TRPC4: variants seen among roughly 807,000 people sequenced by gnomAD.
TRPC4 encodes short transient receptor potential channel 4.
TRPC4 carries 49 observed loss-of-function variants against 99.4 expected under a neutral mutation model. The ratio of observed to expected loss-of-function variants is 0.49; its 90% CI spans 0.39 to 0.63. TRPC4 has a LOEUF of 0.63. TRPC4 is among the 20% of genes least tolerant of loss of function. The probability of loss-of-function intolerance (pLI) is 0.00; values close to 1 mark genes in which losing one functional copy is unlikely to be tolerated. For synonymous variants in TRPC4, 454 were observed against 425.9 expected (o/e 1.07, Z -0.81); for missense variants, 898 against 1,152.9 (o/e 0.78, Z 3.20).
chr13:37,636,123 T>C lies in TRPC4; in HGVS notation c.*780A>G, dbSNP rs1951510588. On this transcript the variant is annotated 3_prime_UTR_variant, in exon 11 of 11. Transcript: ENST00000379705. ...TTATAACAGAAATCTTGCCATATTTTTGAAATTCAGTTATTCATAAAGACT... is the reference window on the plus strand; with the variant it reads ...TTATAACAGAAATCTTGCCATATTTCTGAAATTCAGTTATTCATAAAGACT... 6.6e-6 allele frequency among the ~76,000 whole-genome samples: 1 copy of C among 152,076 alleles called. No homozygotes were observed. Among genetic ancestry groups the C allele is most frequent in the South Asian group, 2.1e-4 (1 of 4,834 alleles).
chr13:37,753,372 T>A (rs747909283), intron 2 of TRPC4, among the ~76,000 whole-genome samples: 4 of 152,068 alleles, frequency 2.6e-5, no homozygotes, highest in Non-Finnish European at 5.9e-5. Context: ...GCCAGGAGAA[T>A]AATGGAATAA....
At chr13:37,639,857 A>C (rs1951660739) in intron 8 of TRPC4, among the ~76,000 whole-genome samples, 1 of 151,812 alleles carries the variant, frequency 6.6e-6, no homozygotes, top group Non-Finnish European at 1.5e-5. Context: ...GAAACACAGC[A>C]TTTATTAACT....
intron 1 of TRPC4, among the ~76,000 whole-genome samples, chr13:37,856,878 A>G (rs1240312477): frequency 6.6e-6 from 1 of 151,762 alleles, no homozygotes; most frequent in East Asian, 1.9e-4. Flanking sequence ...AAAACTGCAT[A>G]TAGAAACAAT....
intron 2 of TRPC4, among the ~76,000 whole-genome samples, chr13:37,776,905 A>G (rs1423361059): frequency 6.6e-6 from 1 of 151,972 alleles, no homozygotes; most frequent in African/African-American, 2.4e-5. Context: ...ACTGGAATCC[A>G]TATCGACTAA....
At chr13:37,671,080 G>T (rs949755270) in intron 5 of TRPC4, among the ~76,000 whole-genome samples, 5 of 152,122 alleles carry the variant, frequency 3.3e-5, no homozygotes, top group Non-Finnish European at 5.9e-5. Context: ...CTCTTGGGCA[G>T]ATTTGCATTT....
At chr13:37,652,158 T>C (rs1241780983) in intron 7 of TRPC4, among the ~76,000 whole-genome samples, 1 of 152,242 alleles carries the variant, frequency 6.6e-6, no homozygotes, top group Admixed American at 6.5e-5. Flanking sequence ...CTTTGGTACA[T>C]TTGTGGCAAT....
At chr13:37,848,320 A>G (rs1249835595) in intron 1 of TRPC4, among the ~76,000 whole-genome samples, 1 of 152,204 alleles carries the variant, frequency 6.6e-6, no homozygotes, top group Non-Finnish European at 1.5e-5. Context: ...TATCAATAGT[A>G]AAAATGTACA....
intron 1 of TRPC4, among the ~76,000 whole-genome samples, chr13:37,785,938 A>C (rs1266400629): frequency 6.6e-6 from 1 of 152,080 alleles, no homozygotes. Context: ...AGTTCATTTT[A>C]AAAAGAGTTA....
At chr13:37,657,632 G>A (rs1252169772) in intron 6 of TRPC4, among the ~76,000 whole-genome samples, 1 of 152,104 alleles carries the variant, frequency 6.6e-6, no homozygotes, top group Non-Finnish European at 1.5e-5. Context: ...AATATATAGT[G>A]TAAAATGTTA....
intron 1 of TRPC4, among the ~76,000 whole-genome samples, chr13:37,795,932 A>G (rs1381972621): frequency 2.0e-5 from 3 of 152,156 alleles, no homozygotes; most frequent in Non-Finnish European, 2.9e-5. Flanking sequence ...ACGGTCATAC[A>G]GCTACTAAAT....
chr13:37,663,284 G>T, intron 6 of TRPC4, 132 bp downstream of exon 6: 1 of 767,620 alleles, frequency 1.3e-6, no homozygotes. Flanking sequence ...TGTTAATTCT[G>T]TTTTCTGCAT....
chr13:37,840,476 C>T (rs142969594), intron 1 of TRPC4, among the ~76,000 whole-genome samples: 137 of 152,084 alleles, frequency 9.0e-4, no homozygotes, highest in African/African-American at 3.1e-3. Flanking sequence ...ATCATGAAGA[C>T]TTCATTCACT....
intron 1 of TRPC4, among the ~76,000 whole-genome samples, chr13:37,824,756 G>A (rs569057807): frequency 1.3e-5 from 2 of 152,254 alleles, no homozygotes; most frequent in African/African-American, 4.8e-5. Flanking sequence ...GTCTCTGCCA[G>A]GCTTTGGTAT....
At chr13:37,789,086 A>T (rs1957045906) in intron 1 of TRPC4, among the ~76,000 whole-genome samples, 1 of 152,050 alleles carries the variant, frequency 6.6e-6, no homozygotes, top group South Asian at 2.1e-4. Context: ...CTAAGACGCA[A>T]ATCTCATCAA....
chr13:37,720,558 T>C (rs1348569939), intron 3 of TRPC4, among the ~76,000 whole-genome samples: 1 of 152,186 alleles, frequency 6.6e-6, no homozygotes, highest in Non-Finnish European at 1.5e-5. Context: ...TGGATTTAAA[T>C]AGTCATTTTA....
intron 3 of TRPC4, among the ~76,000 whole-genome samples, chr13:37,741,243 T>G (rs1307596984): frequency 6.6e-6 from 1 of 152,150 alleles, no homozygotes; most frequent in Non-Finnish European, 1.5e-5. Flanking sequence ...AGCTTCCAAT[T>G]CACATTTAGT....
chr13:37,699,885 A>G (rs1338801154), intron 3 of TRPC4, among the ~76,000 whole-genome samples: 1 of 152,198 alleles, frequency 6.6e-6, no homozygotes, highest in African/African-American at 2.4e-5. Context: ...TGGTTTGGCA[A>G]CTGATCTGAG....
In TRPC4 at chr13:37,771,833, T is replaced by C. The variant is rs143701235; in HGVS notation, c.378+11123A>G. The stretch of plus-strand genomic sequence containing the variant: ...AAGAGGTGAGAGCTCCTTATATAGA[T>C]AACAGAGTATGAAAGTTGAAATTTT... On this transcript the variant is annotated intron_variant, in intron 2 of 10. Transcript: ENST00000379705. Among the ~76,000 whole-genome samples the C allele has an allele frequency of 7.0e-3, 1,060 of 151,822 alleles. 6 individuals carry two copies. Among genetic ancestry groups the C allele is most frequent in the Middle Eastern group, 0.031 (9 of 294 alleles).
At chr13:37,830,218 A>G (rs1252592001) in intron 1 of TRPC4, among the ~76,000 whole-genome samples, 1 of 152,204 alleles carries the variant, frequency 6.6e-6, no homozygotes. Flanking sequence ...GCTTCAGCAC[A>G]TAAATGTGGT....
Sources: allele counts gnomAD v4.1 joint callset (sites outside exome capture counted in the v4.1 genomes callset), GRCh38; gene constraint gnomAD v4.1.1; transcripts MANE v1.5; gene names NCBI Gene and HGNC (gene_info 2026-07-23, HGNC 2026-07-21).